DLGAP1: variants seen among roughly 807,000 people sequenced by gnomAD.
DLGAP1 encodes the protein DLG associated protein 1.
In DLGAP1, 11 loss-of-function variants were observed where a neutral mutation model predicts 90.8. That is an observed-to-expected ratio of 0.12 (90% CI 0.08 to 0.20). The LOEUF is 0.20. Ranked by LOEUF, DLGAP1 falls within the 10% of genes least tolerant of loss-of-function variation. The pLI is 1.00. For synonymous variants in DLGAP1, 558 were observed against 540.7 expected (o/e 1.03, Z -0.44); for missense variants, 1,050 against 1,333.8 (o/e 0.79, Z 3.31).
intron 2 of DLGAP1, among the ~76,000 whole-genome samples, chr18:4,077,071 T>C (rs1202494094): frequency 1.3e-5 from 2 of 152,196 alleles, no homozygotes; most frequent in African/African-American, 2.4e-5. Context: ...AGTTAATTTA[T>C]AAATGAATGA....
At chr18:4,407,650 G>A (rs145553950) in intron 1 of DLGAP1, among the ~76,000 whole-genome samples, 1,873 of 152,058 alleles carry the variant, frequency 0.012, 9 homozygotes, top group Middle Eastern at 0.099. Context: ...AGGCTGAGGC[G>A]GTAGGATCAC....
intron 4 of DLGAP1, chr18:3,822,024 G>T: frequency 2.9e-4 from 195 of 662,290 alleles, no homozygotes; most frequent in Middle Eastern, 7.6e-4. Flanking sequence ...AGCAAAAACA[G>T]AAAAAAAAAA....
intron 1 of DLGAP1, among the ~76,000 whole-genome samples, chr18:4,312,851 T>TTTAA (rs2080434711): frequency 6.6e-6 from 1 of 152,218 alleles, no homozygotes; most frequent in South Asian, 2.1e-4. Context: ...AATATAATCA[T>TTTAA]AGCCTTAGAA....
At chr18:4,103,399 G>A (rs1260672341) in intron 2 of DLGAP1, among the ~76,000 whole-genome samples, 1 of 152,030 alleles carries the variant, frequency 6.6e-6, no homozygotes, top group East Asian at 1.9e-4. Context: ...TTTATTTCCA[G>A]CTGTTTGATG....
At chr18:3,850,743 G>A (rs564527680) in intron 4 of DLGAP1, among the ~76,000 whole-genome samples, 1 of 152,268 alleles carries the variant, frequency 6.6e-6, no homozygotes, top group East Asian at 1.9e-4. Flanking sequence ...TGGAAGGTCC[G>A]TGAGTGCTTA....
intron 1 of DLGAP1, chr18:4,275,415 C>T (rs2079388000): frequency 6.6e-6 from 1 of 152,186 alleles, no homozygotes; most frequent in Non-Finnish European, 1.5e-5. Flanking sequence ...TGAAATTCAA[C>T]CTGCCTCCAT....
intron 2 of DLGAP1, among the ~76,000 whole-genome samples, chr18:4,040,234 A>C (rs1598287672): frequency 1.3e-5 from 2 of 152,312 alleles, no homozygotes; most frequent in Admixed American, 1.3e-4. Flanking sequence ...TATCAAATGG[A>C]GGTAAAAATA....
chr18:3,667,568 G>A (rs2059928295), intron 7 of DLGAP1, among the ~76,000 whole-genome samples: 1 of 152,130 alleles, frequency 6.6e-6, no homozygotes, highest in African/African-American at 2.4e-5. Context: ...AAAGGGCTTG[G>A]ACTTGGTTCC....
At chr18:3,835,287 A>G (rs1362156094) in intron 4 of DLGAP1, among the ~76,000 whole-genome samples, 1 of 152,224 alleles carries the variant, frequency 6.6e-6, no homozygotes, top group Non-Finnish European at 1.5e-5. Flanking sequence ...GCAGAACACT[A>G]ATGCCATATT....
chr18:3,889,043 C>G (rs929576244), intron 3 of DLGAP1, among the ~76,000 whole-genome samples: 3 of 152,030 alleles, frequency 2.0e-5, no homozygotes, highest in African/African-American at 7.3e-5. Flanking sequence ...GGGGGACAGC[C>G]TGTCTTATGC....
At chr18:4,020,813 C>T (rs533937976) in intron 2 of DLGAP1, among the ~76,000 whole-genome samples, 3 of 152,154 alleles carry the variant, frequency 2.0e-5, no homozygotes, top group Admixed American at 1.3e-4. Flanking sequence ...AGGAGCCATA[C>T]GGCCTCTGGT....
chr18:3,677,976 T>C (rs1188828750), intron 7 of DLGAP1, among the ~76,000 whole-genome samples: 1 of 114,992 alleles, frequency 8.7e-6, no homozygotes, highest in Non-Finnish European at 1.8e-5. Context: ...TTTTTTTTTT[T>C]TTTGAGATGG....
rs1280657921 is a variant in DLGAP1 at position 4,378,065 on chromosome 18, AAT to A, written c.-267+76939_-267+76940del. 2.0e-5 allele frequency among the ~76,000 whole-genome samples: 3 copies of A among 149,160 alleles called. No individual in the cohort carries two copies. The highest frequency in any genetic ancestry group is 2.1e-4 in the South Asian group (1 of 4,772). On this transcript the variant is annotated intron_variant, in intron 1 of 12. Coordinates refer to ENST00000315677, the MANE Select transcript of DLGAP1 (RefSeq NM_004746.4). This position sits in a 1 kb window ranked among gnomAD's most constrained non-coding sequence, Gnocchi z 4.5. The stretch of plus-strand genomic sequence containing the variant: ...GTGTTTTTATATATACATATTATAA[AAT>A]ATATATATCACTTTTCAATCTTTTT...
chr18:3,961,482 A>G (rs913435103), intron 3 of DLGAP1, among the ~76,000 whole-genome samples: 2 of 152,152 alleles, frequency 1.3e-5, no homozygotes, highest in African/African-American at 4.8e-5. Flanking sequence ...GGACGGGAAT[A>G]CAAATGAAAG....
chr18:4,366,800 G>C (rs1371627242), intron 1 of DLGAP1, among the ~76,000 whole-genome samples: 1 of 151,680 alleles, frequency 6.6e-6, no homozygotes, highest in African/African-American at 2.4e-5. Flanking sequence ...CATTAAGAAT[G>C]CAAGAAACAT....
chr18:3,851,244 G>A (rs149749268), intron 4 of DLGAP1, among the ~76,000 whole-genome samples: 5 of 152,270 alleles, frequency 3.3e-5, no homozygotes, highest in East Asian at 1.9e-4. Flanking sequence ...TGAAATTTAC[G>A]CAGCAGGTGG....
chr18:4,312,593 G>T (rs77674472), intron 1 of DLGAP1, among the ~76,000 whole-genome samples: 3 of 152,142 alleles, frequency 2.0e-5, no homozygotes, highest in Non-Finnish European at 4.4e-5. Context: ...TGATCCCACC[G>T]CAAGATGAGG....
rs147343111 is a variant in DLGAP1 at position 4,340,085 on chromosome 18, T to C, written c.-267+114921A>G. Among the ~76,000 whole-genome samples the C allele has an allele frequency of 1.1e-3, 172 of 152,322 alleles. 1 individual carries two copies. Among genetic ancestry groups the C allele is most frequent in the African/African-American group, 3.6e-3 (150 of 41,578 alleles). Reference sequence around the variant, plus strand: ...CCCTATATACACAATGTTTTTCCTATGCATACATACTTTTAGTAAAGTTTA... The same window carrying C: ...CCCTATATACACAATGTTTTTCCTACGCATACATACTTTTAGTAAAGTTTA... On this transcript the variant is annotated intron_variant, in intron 1 of 12. Transcript: ENST00000315677.
At chr18:4,093,548 A>G (rs1020654049) in intron 2 of DLGAP1, among the ~76,000 whole-genome samples, 2 of 151,622 alleles carry the variant, frequency 1.3e-5, no homozygotes, top group African/African-American at 4.9e-5. Context: ...TATGAAAACA[A>G]AAGTTAAATC....
Sources: allele counts gnomAD v4.1 joint callset (sites outside exome capture counted in the v4.1 genomes callset), GRCh38; gene constraint gnomAD v4.1.1; non-coding constraint Gnocchi (gnomAD v3.1); transcripts MANE v1.5; gene names NCBI Gene and HGNC (gene_info 2026-07-23, HGNC 2026-07-21).